Variants in DOCK3 observed in about 807,000 individuals in gnomAD.
The protein encoded by DOCK3 is dedicator of cytokinesis protein 3.
DOCK3 carries 60 observed loss-of-function variants against 265.6 expected under a neutral mutation model. The ratio of observed to expected loss-of-function variants is 0.23; its 90% CI spans 0.18 to 0.28. The LOEUF (loss-of-function observed/expected upper bound fraction) is 0.28. Among genes scored for constraint, DOCK3 ranks in the 10% least tolerant of loss-of-function variants. The pLI, the probability that DOCK3 is intolerant of heterozygous loss-of-function variation, is 1.00. For synonymous variants in DOCK3, 881 were observed against 938.0 expected, an observed-to-expected ratio of 0.94 and a Z score of 1.11; for missense variants, 1,981 against 2,594.3, an observed-to-expected ratio of 0.76 and a Z score of 5.14.
chr3:50,772,513 C>T (rs1422412181), intron 1 of DOCK3, among the ~76,000 whole-genome samples: 1 of 152,156 alleles, frequency 6.6e-6, no homozygotes, highest in Non-Finnish European at 1.5e-5. Flanking sequence ...TCATGATGCA[C>T]TTATTTTCAC....
At chr3:50,977,508 G>C (rs1243263316) in intron 5 of DOCK3, among the ~76,000 whole-genome samples, 1 of 152,208 alleles carries the variant, frequency 6.6e-6, no homozygotes, top group African/African-American at 2.4e-5. Context: ...TCTGCCAAGA[G>C]ATCCCCTGTT....
At chr3:50,743,899 C>G (rs533994312) in intron 1 of DOCK3, among the ~76,000 whole-genome samples, 1 of 152,204 alleles carries the variant, frequency 6.6e-6, no homozygotes, top group African/African-American at 2.4e-5. Context: ...CACATTCCCA[C>G]CAGCAGTGCA....
intron 38 of DOCK3, among the ~76,000 whole-genome samples, chr3:51,348,149 G>C (rs1337101011): frequency 1.3e-5 from 2 of 151,996 alleles, no homozygotes; most frequent in African/African-American, 4.8e-5. Context: ...GGATAATATC[G>C]CCTCTTAATG....
At chr3:50,952,852 G>T (rs987739155) in intron 5 of DOCK3, among the ~76,000 whole-genome samples, 2 of 152,114 alleles carry the variant, frequency 1.3e-5, no homozygotes, top group Admixed American at 6.6e-5. Context: ...TGAGACAAGA[G>T]CCAGTATGTT....
chr3:51,282,246 T>A (rs1208672739), intron 27 of DOCK3, among the ~76,000 whole-genome samples: 1 of 152,216 alleles, frequency 6.6e-6, no homozygotes, highest in Non-Finnish European at 1.5e-5. Flanking sequence ...AATTAAGCTA[T>A]AATTATGCCA....
chr3:51,248,482 G>C (rs1156423761), intron 22 of DOCK3, among the ~76,000 whole-genome samples: 3 of 152,226 alleles, frequency 2.0e-5, no homozygotes, highest in Admixed American at 2.0e-4. Flanking sequence ...GACGGAGTGT[G>C]GTTCACTCAG....
intron 12 of DOCK3, among the ~76,000 whole-genome samples, chr3:51,182,118 C>T (rs1026192601): frequency 3.3e-5 from 5 of 152,124 alleles, no homozygotes; most frequent in Admixed American, 3.3e-4. Context: ...GAGGTAGGTG[C>T]CTTCCCAGTA....
rs548728556 is a variant in DOCK3, at chr3:51,236,054, A to G, written c.1918-291A>G. 1.8e-4 allele frequency among the ~76,000 whole-genome samples: 27 copies of G among 152,278 alleles called. No individual in the cohort carries two copies. In the South Asian group the frequency reaches 4.6e-3, roughly 26 times the overall value. ...AATTGCTATTCTGCATAGGTGTCCT[A>G]TGGTTTTTAGGGCATTGCCCTTTCC... On this transcript the variant is annotated intron_variant, in intron 19 of 52. Coordinates refer to ENST00000266037, the MANE Select transcript of DOCK3 (RefSeq NM_004947.5).
chr3:51,283,899 A>G (rs2081275186), intron 27 of DOCK3, among the ~76,000 whole-genome samples: 1 of 152,184 alleles, frequency 6.6e-6, no homozygotes, highest in Admixed American at 6.5e-5. Context: ...CAGTGCAGAG[A>G]AGGGGCTTGA....
intron 5 of DOCK3, among the ~76,000 whole-genome samples, chr3:50,958,496 G>A (rs1255282850): frequency 1.3e-5 from 2 of 152,080 alleles, no homozygotes; most frequent in Non-Finnish European, 2.9e-5. Context: ...CCAGGCTCTT[G>A]CAAGGATCAA....
chr3:50,887,942 A>G (rs1176332949), intron 3 of DOCK3, among the ~76,000 whole-genome samples: 1 of 152,236 alleles, frequency 6.6e-6, no homozygotes, highest in Non-Finnish European at 1.5e-5. Flanking sequence ...CACTTTGAAC[A>G]CTGGCACAAG....
chr3:50,850,713 T>C (rs1031328266), intron 3 of DOCK3, among the ~76,000 whole-genome samples: 2 of 152,172 alleles, frequency 1.3e-5, no homozygotes, highest in African/African-American at 4.8e-5. Flanking sequence ...CTCCTTCTCC[T>C]CAGGATGTGC....
At chr3:50,936,552 TGAAGGTAGCTA>T (rs2108197187) in intron 5 of DOCK3, among the ~76,000 whole-genome samples, 1 of 152,196 alleles carries the variant, frequency 6.6e-6, no homozygotes, top group South Asian at 2.1e-4. Context: ...GAAGAAATCT[TGAAGGTAGCTA>T]GAGGACATTA....
intron 1 of DOCK3, among the ~76,000 whole-genome samples, chr3:50,694,251 T>C (rs1447329147): frequency 6.6e-6 from 1 of 151,388 alleles, no homozygotes; most frequent in Non-Finnish European, 1.5e-5. Context: ...GCCTGGGGGA[T>C]AGAGCGAGAC....
At chr3:51,132,904 C>T (rs1250826880) in intron 9 of DOCK3, among the ~76,000 whole-genome samples, 1 of 152,166 alleles carries the variant, frequency 6.6e-6, no homozygotes, top group Non-Finnish European at 1.5e-5. Flanking sequence ...ATGTCAGCAT[C>T]CCCTCCCCGA....
chr3:51,228,728 A>G lies in DOCK3; in HGVS notation c.1715A>G (p.Tyr572Cys), dbSNP rs868601968. 3 of 1,613,876 alleles carry G rather than the reference A, an allele frequency of 1.9e-6. No homozygotes were observed. Among genetic ancestry groups the G allele is most frequent in the African/African-American group, 1.3e-5 (1 of 74,920 alleles). ...YLGLPCCKED[Y>C]NGCPNIPSSL... is the part of the protein sequence containing the mutation. ...GGCCTGCCCTGCTGCAAAGAGGACT[A>G]CAATGGCTGCCCTAATATTCCTTCT... The change falls in exon 18 of 53, where the codon TAC becomes TGC. Residue 572 changes from tyrosine (Y) to cysteine (C), a missense_variant. Transcript: ENST00000266037.
At chr3:51,193,165 C>T (rs929461100) in intron 12 of DOCK3, among the ~76,000 whole-genome samples, 2 of 151,992 alleles carry the variant, frequency 1.3e-5, no homozygotes, top group African/African-American at 2.4e-5. Flanking sequence ...CTACATTTGT[C>T]TAGATAATAA....
intron 5 of DOCK3, among the ~76,000 whole-genome samples, chr3:50,975,687 C>A (rs971200225): frequency 4.6e-5 from 7 of 152,178 alleles, no homozygotes; most frequent in African/African-American, 1.7e-4. Flanking sequence ...CCCTCTTTTC[C>A]TATAGATTGG....
intron 38 of DOCK3, among the ~76,000 whole-genome samples, chr3:51,342,745 T>C (rs1028289452): frequency 5.9e-5 from 9 of 152,212 alleles, no homozygotes; most frequent in Non-Finnish European, 1.3e-4. Context: ...GATTAAATTT[T>C]AACATGGACT....
Sources: allele counts gnomAD v4.1 joint callset (sites outside exome capture counted in the v4.1 genomes callset), GRCh38; gene constraint gnomAD v4.1.1; transcripts MANE v1.5; gene names NCBI Gene and HGNC (gene_info 2026-07-23, HGNC 2026-07-21).